UNC5C: variants seen among roughly 807,000 people sequenced by gnomAD.
UNC5C encodes the protein netrin receptor UNC5C.
Under a neutral mutation model 99.8 loss-of-function variants are expected in UNC5C, and 47 were observed. The observed-to-expected ratio is 0.47, with a 90% CI of 0.37 to 0.60. The LOEUF (loss-of-function observed/expected upper bound fraction) is 0.60, where lower values mean the gene tolerates loss of function less well. Ranked by LOEUF, UNC5C falls within the 20% of genes least tolerant of loss-of-function variation. UNC5C has a pLI of 0.00. For synonymous variants in UNC5C, 487 were observed against 452.2 expected (o/e 1.08, Z -0.98); for missense variants, 1,062 against 1,165.9 (o/e 0.91, Z 1.30).
chr4:95,416,514 G>A (rs920302316), intron 1 of UNC5C, among the ~76,000 whole-genome samples: 4 of 152,128 alleles, frequency 2.6e-5, no homozygotes, highest in African/African-American at 7.2e-5. Flanking sequence ...TATTAAGTGC[G>A]ACATGAATTC....
chr4:95,545,762 G>A (rs1056019588), intron 1 of UNC5C, among the ~76,000 whole-genome samples: 4 of 133,930 alleles, frequency 3.0e-5, no homozygotes, highest in Non-Finnish European at 4.7e-5. Flanking sequence ...TCACACACAC[G>A]CGCGCGCGCG....
chr4:95,370,866 G>A lies in UNC5C; in HGVS notation c.125-35235C>T, dbSNP rs932489736. Among the ~76,000 whole-genome samples, 6 of 152,260 alleles carry A rather than the reference G, an allele frequency of 3.9e-5. No individual in the cohort carries two copies. In the East Asian group the frequency reaches 9.7e-4, roughly 25 times the overall value. On this transcript the variant is annotated intron_variant, in intron 1 of 15. Coordinates refer to ENST00000453304, the MANE Select transcript of UNC5C (RefSeq NM_003728.4). ...GTACAAAAGAGTATGTCATTCAAAA[G>A]AATACGTAGTTCAAAGTGGTCATTC... is the stretch of plus-strand genomic sequence containing the variant.
chr4:95,272,072 G>C (rs1740686252), intron 4 of UNC5C, among the ~76,000 whole-genome samples: 1 of 152,022 alleles, frequency 6.6e-6, no homozygotes, highest in Non-Finnish European at 1.5e-5. Context: ...GACTTTCCTT[G>C]AATTCTAAAG....
Position 95,322,758 on chromosome 4 carries a change from G to A in UNC5C, c.346+12652C>T, listed in dbSNP as rs187434722. Among the ~76,000 whole-genome samples the A allele has an allele frequency of 1.0e-3, 159 of 151,896 alleles. 1 individual carries two copies. The highest frequency in any genetic ancestry group is 3.6e-3 in the African/African-American group (151 of 41,426). Reference sequence around the variant, plus strand: ...GTTTGAGACCAGCCTGGCCAACACAGTGAAATGCCGTCCCTACCAAAAATA... The same window carrying A: ...GTTTGAGACCAGCCTGGCCAACACAATGAAATGCCGTCCCTACCAAAAATA... On this transcript the variant is annotated intron_variant, in intron 2 of 15. Transcript: ENST00000453304.
intron 1 of UNC5C, among the ~76,000 whole-genome samples, chr4:95,513,280 T>C: frequency 6.6e-6 from 1 of 152,184 alleles, no homozygotes; most frequent in African/African-American, 2.4e-5. Context: ...CATCTTGCAA[T>C]GGGAGCATTA....
intron 1 of UNC5C, among the ~76,000 whole-genome samples, chr4:95,502,932 C>A (rs118088874): frequency 2.6e-5 from 4 of 152,138 alleles, no homozygotes; most frequent in African/African-American, 7.2e-5. Context: ...CTCTGACTAA[C>A]CTTACATTTG....
Position 95,165,144 on chromosome 4 carries a change from C to T in UNC5C, c.*4090G>A, listed in dbSNP as rs776056196. ...AAGTGAAAAGTCTTGATTCCACCCT[C>T]AAAACGTTGACTTTTCAGATACCTT... On this transcript the variant is annotated 3_prime_UTR_variant, in exon 16 of 16. Transcript: ENST00000453304. 1.7e-4 allele frequency: 26 copies of T among 152,164 alleles called. No homozygotes were observed. The highest frequency in any genetic ancestry group is 3.2e-3 in the Middle Eastern group (1 of 316). 9.4% of individuals were successfully genotyped at this position (152,164 alleles called of 1,614,324 possible). A position where few individuals can be genotyped will look rare whatever the true frequency, so the allele number is the denominator to read the frequency against.
Position 95,242,447 on chromosome 4 carries a change from C to T in UNC5C, c.1090G>A (p.Asp364Asn). Residue 364 changes from aspartate to asparagine, a missense_variant, in exon 7 of 16, where the codon GAT becomes AAT. Asp to Asn is a conservative substitution (Grantham distance 23). This residue lies in a region of UNC5C where 810 missense variants were observed against 854.5 expected (regional missense o/e 0.95). Coordinates refer to ENST00000453304, the MANE Select transcript of UNC5C (RefSeq NM_003728.4). Reference sequence around the variant, plus strand: ...GACTTACTCTGCATGCAAAGCCCATCAGTGCAGTTCTTGGATTGCAAGACG... The same window carrying T: ...GACTTACTCTGCATGCAAAGCCCATTAGTGCAGTTCTTGGATTGCAAGACG... Reference protein sequence around the residue: ...GLVLQSKNCTDGLCMQTAPDS... With the variant: ...GLVLQSKNCTNGLCMQTAPDS... 6.2e-7 allele frequency: 1 copy of T among 1,614,156 alleles called. No individual in the cohort carries two copies. The highest frequency in any genetic ancestry group is 1.1e-5 in the South Asian group (1 of 91,078).
At chr4:95,189,091 G>T (rs1465525866) in intron 12 of UNC5C, among the ~76,000 whole-genome samples, 2 of 152,192 alleles carry the variant, frequency 1.3e-5, no homozygotes, top group African/African-American at 4.8e-5. Flanking sequence ...CTATAGTAAG[G>T]ATGCGGATCA....
intron 1 of UNC5C, among the ~76,000 whole-genome samples, chr4:95,453,147 C>CT (rs1294342515): frequency 1.3e-5 from 2 of 152,124 alleles, no homozygotes; most frequent in Non-Finnish European, 2.9e-5. Flanking sequence ...TGTTCATTGA[C>CT]TGAACCTACC....
chr4:95,327,648 G>C (rs1742938596), intron 2 of UNC5C, among the ~76,000 whole-genome samples: 1 of 152,030 alleles, frequency 6.6e-6, no homozygotes, highest in African/African-American at 2.4e-5. Flanking sequence ...GTTTTAAAAT[G>C]TATTAGGGCC....
chr4:95,323,600 T>G (rs1742778717), intron 2 of UNC5C, among the ~76,000 whole-genome samples: 1 of 152,162 alleles, frequency 6.6e-6, no homozygotes, highest in South Asian at 2.1e-4. Context: ...AGGCATCACT[T>G]GATAGAATTT....
intron 1 of UNC5C, among the ~76,000 whole-genome samples, chr4:95,445,165 C>G (rs967798550): frequency 3.3e-5 from 5 of 152,088 alleles, no homozygotes; most frequent in Admixed American, 3.3e-4. Context: ...ATTCATATAA[C>G]AAATATATAT....
chr4:95,301,606 A>G lies in UNC5C; in HGVS notation c.490T>C (p.Tyr164His). 2 of 1,614,044 alleles carry G rather than the reference A, an allele frequency of 1.2e-6. No individual in the cohort carries two copies. Among genetic ancestry groups the G allele is most frequent in the African/African-American group, 1.3e-5 (1 of 75,054 alleles). ...AGGTGCTTATTGTACAATGACTCAC[A>G]TGCAATGCGCACATACGCCTTCCGG... ...KSRKAYVRIA[Y>H]LRKTFEQEPL... Residue 164 changes from tyrosine to histidine, a missense_variant and splice_region_variant, in exon 3 of 16, where the codon TAT becomes CAT. By Grantham distance (83) the Tyr-to-His change is moderately conservative. This residue lies in a region of UNC5C where 249 missense variants were observed against 295.1 expected (regional missense o/e 0.84). Transcript: ENST00000453304.
At chr4:95,357,142 T>G (rs959808724) in intron 1 of UNC5C, among the ~76,000 whole-genome samples, 3 of 151,786 alleles carry the variant, frequency 2.0e-5, no homozygotes, top group Non-Finnish European at 2.9e-5. Flanking sequence ...TTTGTTTTTT[T>G]TTTTATTTAA....
At chr4:95,218,135 G>T (rs1310243056) in intron 9 of UNC5C, among the ~76,000 whole-genome samples, 1 of 151,978 alleles carries the variant, frequency 6.6e-6, no homozygotes, top group Admixed American at 6.5e-5. Flanking sequence ...AACACTTTAG[G>T]TATTTACATT....
chr4:95,395,681 C>T (rs981761588), intron 1 of UNC5C, among the ~76,000 whole-genome samples: 5 of 152,150 alleles, frequency 3.3e-5, no homozygotes, highest in Admixed American at 6.5e-5. Flanking sequence ...CAGTTTCTCC[C>T]ATACAACAGT....
At chr4:95,505,518 T>C (rs1361059552) in intron 1 of UNC5C, among the ~76,000 whole-genome samples, 1 of 152,124 alleles carries the variant, frequency 6.6e-6, no homozygotes, top group Non-Finnish European at 1.5e-5. Flanking sequence ...TTATGCAGTA[T>C]GCCTTATAAA....
chr4:95,213,768 TCA>T (rs1230456735), intron 10 of UNC5C, among the ~76,000 whole-genome samples: 1 of 152,224 alleles, frequency 6.6e-6, no homozygotes, highest in Non-Finnish European at 1.5e-5. Context: ...CCTGATGTCC[TCA>T]CAGAGTCTTC....
Sources: gnomAD v4.1 joint callset for allele counts (sites outside exome capture counted in the v4.1 genomes callset) on GRCh38, gnomAD v4.1.1 for gene constraint, gnomAD v4.1.1 regional missense constraint, MANE v1.5 for transcripts, NCBI Gene and HGNC (gene_info 2026-07-23, HGNC 2026-07-21) for gene names.